HELZ: variants seen among roughly 807,000 people sequenced by gnomAD.
The protein encoded by HELZ is ATP-dependent RNA helicase with zinc finger domain.
Under a neutral mutation model 218.2 loss-of-function variants are expected in HELZ, and 23 were observed. That is an observed-to-expected ratio of 0.11 (90% CI 0.08 to 0.15). The LOEUF (loss-of-function observed/expected upper bound fraction) is 0.15. Ranked by LOEUF, HELZ falls within the 10% of genes least tolerant of loss-of-function variation. The probability of loss-of-function intolerance (pLI) is 1.00; values close to 1 mark genes in which losing one functional copy is unlikely to be tolerated. For missense variants in HELZ, 1,813 were observed against 2,353.7 expected (o/e 0.77, Z 4.75); for synonymous variants, 814 against 829.4 (o/e 0.98, Z 0.32).
chr17:67,139,276 A>T (rs998877781), intron 21 of HELZ, among the ~76,000 whole-genome samples: 5 of 152,190 alleles, frequency 3.3e-5, no homozygotes, highest in African/African-American at 1.2e-4. Context: ...ACATACACAG[A>T]CTACCCAGGG....
chr17:67,146,656 G>C (rs1287039088), intron 20 of HELZ, among the ~76,000 whole-genome samples: 2 of 152,196 alleles, frequency 1.3e-5, no homozygotes, highest in Non-Finnish European at 2.9e-5. Flanking sequence ...CTTTACTGAT[G>C]AAGACACCAT....
At chr17:67,095,703 A>G (rs1286594973) in intron 31 of HELZ, among the ~76,000 whole-genome samples, 3 of 152,190 alleles carry the variant, frequency 2.0e-5, no homozygotes, top group African/African-American at 7.2e-5. Context: ...AACCCCTCAA[A>G]GGCATCCATG....
At chr17:67,245,872 ACCCTCTAGGTGGGGAC>A (rs1275317899), upstream of HELZ, 1 of 151,686 alleles carries the variant, frequency 6.6e-6, no homozygotes, top group Non-Finnish European at 1.5e-5. Flanking sequence ...GTGATCCGCG[ACCCTCTAGGTGGGGAC>A]CCCTCCCCTA....
intron 23 of HELZ, among the ~76,000 whole-genome samples, chr17:67,133,213 T>C (rs1223898239): frequency 6.6e-6 from 1 of 152,178 alleles, no homozygotes; most frequent in Non-Finnish European, 1.5e-5. Context: ...TATCAATTAA[T>C]GTATATACCT....
At chr17:67,206,410 T>C (rs1222216435) in intron 5 of HELZ, among the ~76,000 whole-genome samples, 2 of 152,236 alleles carry the variant, frequency 1.3e-5, no homozygotes, top group African/African-American at 4.8e-5. Context: ...TCAACTGTTT[T>C]AGCAAAATAC....
intron 26 of HELZ, among the ~76,000 whole-genome samples, 155 bp downstream of exon 26, chr17:67,122,815 C>T (rs2037655950): frequency 6.6e-6 from 1 of 152,126 alleles, no homozygotes; most frequent in South Asian, 2.1e-4. Context: ...TTCGTAATTT[C>T]AAGGTTAGAG....
rs368609592 is a variant in HELZ at position 67,152,767 on chromosome 17, T to TAAA, written c.2178-1546_2178-1544dup. ...ATTACCTAGAAAATAAGAGTAGATT[T>TAAA]AAAAAAAAAAAAAAAAAACAACTAG... is the stretch of plus-strand genomic sequence containing the variant. On this transcript the variant is annotated intron_variant, in intron 17 of 32. Coordinates refer to ENST00000358691, the MANE Select transcript of HELZ (RefSeq NM_014877.4). Among the ~76,000 whole-genome samples the TAAA allele has an allele frequency of 1.0e-3, 130 of 124,840 alleles. 1 individual carries two copies. The highest frequency in any genetic ancestry group is 2.5e-3 in the East Asian group (11 of 4,394). The allele number at this position is 124,840 out of a possible 152,430, so 81.9% of individuals were successfully genotyped here. A position where few individuals can be genotyped will look rare whatever the true frequency, so the allele number is the denominator to read the frequency against.
chr17:67,237,345 C>T, intron 3 of HELZ, among the ~76,000 whole-genome samples: 1 of 152,234 alleles, frequency 6.6e-6, no homozygotes, highest in East Asian at 1.9e-4. Context: ...TAACAATTTA[C>T]TTATTTATTA....
chr17:67,117,348 A>G (rs1014690791), intron 27 of HELZ, among the ~76,000 whole-genome samples: 1 of 152,182 alleles, frequency 6.6e-6, no homozygotes, highest in Non-Finnish European at 1.5e-5. Flanking sequence ...ACCAATAATC[A>G]GCAACTAAAG....
intron 31 of HELZ, among the ~76,000 whole-genome samples, chr17:67,105,220 G>T (rs371052461): frequency 6.6e-6 from 1 of 152,266 alleles, no homozygotes; most frequent in East Asian, 1.9e-4. Flanking sequence ...AGTATATAGA[G>T]AAATTGGAAT....
At chr17:67,224,123 G>A (rs902831939) in intron 3 of HELZ, among the ~76,000 whole-genome samples, 1 of 152,130 alleles carries the variant, frequency 6.6e-6, no homozygotes, top group Admixed American at 6.5e-5. Context: ...TGGCCAATCC[G>A]AGCCTCACAG....
At chr17:67,082,733 AAT>A (rs1359512666) in intron 32 of HELZ, among the ~76,000 whole-genome samples, 6 of 152,168 alleles carry the variant, frequency 3.9e-5, no homozygotes, top group African/African-American at 1.4e-4. Context: ...TGTCTAAAAT[AAT>A]ATATAAAATA....
intron 19 of HELZ, 137 bp from the exon 20 acceptor site, chr17:67,148,851 T>C (rs2038589410): frequency 1.3e-6 from 1 of 774,350 alleles, no homozygotes; most frequent in Admixed American, 2.8e-5. Flanking sequence ...ACAAGCACAA[T>C]CAGTAATATT....
intron 18 of HELZ, chr17:67,150,204 C>T (rs547121779): frequency 7.6e-5 from 24 of 317,336 alleles, no homozygotes; most frequent in Non-Finnish European, 1.2e-4. Context: ...GCTATATGAT[C>T]ACAGCTCACT....
Position 67,109,406 on chromosome 17 carries a change from T to C in HELZ, c.4199A>G (p.Gln1400Arg), listed in dbSNP as rs374438335. 3.1e-5 allele frequency: 50 copies of C among 1,614,220 alleles called. No homozygotes were observed. The highest frequency in any genetic ancestry group is 3.3e-4 in the Middle Eastern group (2 of 6,062). Residue 1400 changes from glutamine (Q) to arginine (R), a missense_variant, in exon 29 of 33, where the codon CAG becomes CGG. Around this residue, in one of 4 missense-constraint regions of HELZ, gnomAD observed 938 missense variants for 1,027.5 expected, o/e 0.91. Transcript: ENST00000358691. ...CAACTGACTTTGCTGCTGGACTACC[T>C]GATTTGGCTGAGGTGGTATCTGATT... ...QPNQIPPQPN[Q>R]VVQQQSQLNQ...
rs1260175093 is a variant in HELZ, at chr17:67,206,964, G to A, written c.248-3521C>T. ...TTTCGCTCTTGTTGCCCAGGCTGGAGTGCAGTGGTATGATATCAGCGGACT... is the reference window on the plus strand; with the variant it reads ...TTTCGCTCTTGTTGCCCAGGCTGGAATGCAGTGGTATGATATCAGCGGACT... On this transcript the variant is annotated intron_variant, in intron 5 of 32. Transcript: ENST00000358691. Among the ~76,000 whole-genome samples the A allele has an allele frequency of 2.4e-4, 36 of 151,442 alleles. 1 individual carries two copies. Among genetic ancestry groups the A allele is most frequent in the Admixed American group, 2.0e-3 (31 of 15,188 alleles).
chr17:67,131,308 T>C (rs1384218576), intron 23 of HELZ, among the ~76,000 whole-genome samples: 1 of 152,192 alleles, frequency 6.6e-6, no homozygotes, highest in Non-Finnish European at 1.5e-5. Flanking sequence ...CCTGTTCCTA[T>C]ATCACCCTCA....
chr17:67,128,401 T>C, intron 24 of HELZ: 1 of 500,904 alleles, frequency 2.0e-6, no homozygotes, highest in Non-Finnish European at 3.6e-6. Flanking sequence ...GGTTATTTTA[T>C]ATAAATGATA....
At chr17:67,197,786 G>A (rs2040069920) in intron 7 of HELZ, among the ~76,000 whole-genome samples, 1 of 152,118 alleles carries the variant, frequency 6.6e-6, no homozygotes, top group Admixed American at 6.5e-5. Flanking sequence ...TTTAGGTTGG[G>A]CTTGAACTAA....
Sources: gnomAD v4.1 joint callset for allele counts (sites outside exome capture counted in the v4.1 genomes callset) on GRCh38, gnomAD v4.1.1 for gene constraint, gnomAD v4.1.1 regional missense constraint, MANE v1.5 for transcripts, NCBI Gene and HGNC (gene_info 2026-07-23, HGNC 2026-07-21) for gene names.